Variants in CSMD2 observed in about 807,000 individuals in gnomAD.
CSMD2 encodes the protein CUB and Sushi multiple domains 2.
A neutral mutation model predicts 398.5 loss-of-function variants in CSMD2; 130 were observed. The observed-to-expected ratio is 0.33, with a 90% confidence interval of 0.28 to 0.38. CSMD2 has a LOEUF of 0.38. Among genes scored for constraint, CSMD2 ranks in the 10% least tolerant of loss-of-function variants. The pLI is 1.00. For missense variants in CSMD2, 3,829 were observed against 4,764.9 expected, an observed-to-expected ratio of 0.80 and a Z score of 5.78; for synonymous variants, 1,828 against 1,908.5, an observed-to-expected ratio of 0.96 and a Z score of 1.10.
At chr1:33,643,761 C>T (rs184865019) in intron 29 of CSMD2, among the ~76,000 whole-genome samples, 2 of 152,258 alleles carry the variant, frequency 1.3e-5, no homozygotes, top group Admixed American at 6.5e-5. Flanking sequence ...TCCAGGGATC[C>T]TGGCATAGGC....
rs955732307 is a variant in CSMD2 at position 33,631,156 on chromosome 1, C to A, written c.5200+2266G>T. Among the ~76,000 whole-genome samples, 92 of 151,774 alleles carry A rather than the reference C, an allele frequency of 6.1e-4. 1 individual carries two copies. Among genetic ancestry groups the A allele is most frequent in the Admixed American group, 6.0e-3 (92 of 15,266 alleles). On this transcript the variant is annotated intron_variant, in intron 32 of 70. Transcript: ENST00000373381. The stretch of plus-strand genomic sequence containing the variant: ...CAAAAACACAAAACACCTGGTACAG[C>A]CGAGTAAAAAGGGGATGATGAATGC...
At chr1:33,680,860 C>A (rs1190431985) in intron 25 of CSMD2, among the ~76,000 whole-genome samples, 1 of 148,036 alleles carries the variant, frequency 6.8e-6, no homozygotes, top group Non-Finnish European at 1.5e-5. Context: ...TCTGTTATAT[C>A]AGTTAGCCAT....
At chr1:34,073,477 C>T (rs1170436424) in intron 2 of CSMD2, among the ~76,000 whole-genome samples, 5 of 152,194 alleles carry the variant, frequency 3.3e-5, no homozygotes, top group Admixed American at 3.3e-4. Flanking sequence ...AAATTGGACA[C>T]ACACCAAACT....
At chr1:33,717,066 G>A (rs913327854) in intron 19 of CSMD2, among the ~76,000 whole-genome samples, 4 of 152,082 alleles carry the variant, frequency 2.6e-5, no homozygotes, top group African/African-American at 9.7e-5. Flanking sequence ...AGGATGCACA[G>A]GAATTAACCA....
chr1:33,629,094 A>C (rs1429997861), intron 32 of CSMD2, among the ~76,000 whole-genome samples: 1 of 152,074 alleles, frequency 6.6e-6, no homozygotes, highest in Non-Finnish European at 1.5e-5. Flanking sequence ...CCCAAAACTA[A>C]AGTAGGGAAT....
intron 3 of CSMD2, among the ~76,000 whole-genome samples, chr1:33,939,725 T>C (rs180730933): frequency 1.2e-4 from 19 of 152,288 alleles, no homozygotes; most frequent in South Asian, 2.1e-4. Context: ...GATGCTTCCA[T>C]TGGGACCTGG....
At chr1:33,875,657 C>G (rs1033030164) in intron 5 of CSMD2, 11 of 152,198 alleles carry the variant, frequency 7.2e-5, no homozygotes, top group African/African-American at 2.7e-4. Flanking sequence ...TTCAAGGAAG[C>G]AGAGCTTTGC....
At position 33,634,255 on chromosome 1, in the gene CSMD2, G is replaced by C. The variant is rs550801825; in HGVS notation, c.5087-720C>G. 1.0e-3 allele frequency among the ~76,000 whole-genome samples: 154 copies of C among 152,296 alleles called. 1 individual carries two copies. The highest frequency in any genetic ancestry group is 3.5e-3 in the African/African-American group (145 of 41,570). On this transcript the variant is annotated intron_variant, in intron 31 of 70. Transcript: ENST00000373381. ...TGAGACTGGGAATTTATAGAGGACA[G>C]AGAACATGTCTCTCTCATCTCTGCA...
At chr1:33,651,923 T>C (rs1243354537) in intron 28 of CSMD2, among the ~76,000 whole-genome samples, 5 of 151,876 alleles carry the variant, frequency 3.3e-5, no homozygotes, top group Admixed American at 1.3e-4. Flanking sequence ...AGGAGCTAGA[T>C]TGGGGGGGGT....
At chr1:33,943,773 T>C (rs919876317) in intron 3 of CSMD2, among the ~76,000 whole-genome samples, 5 of 152,116 alleles carry the variant, frequency 3.3e-5, no homozygotes, top group African/African-American at 1.2e-4. Context: ...CTGGACTCCT[T>C]GAGGGGCAGG....
At chr1:34,035,050 C>A (rs1016543130) in intron 2 of CSMD2, among the ~76,000 whole-genome samples, 1 of 152,086 alleles carries the variant, frequency 6.6e-6, no homozygotes, top group Non-Finnish European at 1.5e-5. Context: ...GAAAACAGAT[C>A]CTGCACTTAA....
intron 24 of CSMD2, among the ~76,000 whole-genome samples, chr1:33,694,069 A>C (rs979971048): frequency 1.3e-5 from 2 of 151,450 alleles, no homozygotes; most frequent in Non-Finnish European, 1.5e-5. Flanking sequence ...CAAAACAATA[A>C]CAACAACAAC....
intron 3 of CSMD2, among the ~76,000 whole-genome samples, chr1:33,996,381 C>T (rs1016700226): frequency 6.6e-6 from 1 of 152,238 alleles, no homozygotes; most frequent in Non-Finnish European, 1.5e-5. Flanking sequence ...ACGAAAACCT[C>T]TTTGCCTACC....
chr1:33,757,530 G>A (rs1234121027), intron 13 of CSMD2, among the ~76,000 whole-genome samples: 5 of 152,080 alleles, frequency 3.3e-5, no homozygotes, highest in Non-Finnish European at 7.4e-5. Context: ...TGCCCTAGGC[G>A]CTCTTCTCAC....
chr1:33,819,941 C>A, intron 8 of CSMD2, 104 bp from the exon 9 acceptor site: 1 of 1,465,914 alleles, frequency 6.8e-7, no homozygotes, highest in East Asian at 2.3e-5. Flanking sequence ...ATTTTTCCTT[C>A]TGGCCCTTAA....
intron 5 of CSMD2, among the ~76,000 whole-genome samples, chr1:33,882,474 C>T (rs866161502): frequency 2.6e-5 from 4 of 152,202 alleles, no homozygotes; most frequent in African/African-American, 9.6e-5. Context: ...AGAAATGAAA[C>T]ATATCTACCT....
chr1:33,941,879 A>T (rs981995760), intron 3 of CSMD2, among the ~76,000 whole-genome samples: 3 of 151,966 alleles, frequency 2.0e-5, no homozygotes, highest in Non-Finnish European at 2.9e-5. Context: ...TGTCATATAT[A>T]AAGTTAATAT....
At chr1:33,712,285 T>C (rs1392317903) in intron 21 of CSMD2, among the ~76,000 whole-genome samples, 1 of 152,004 alleles carries the variant, frequency 6.6e-6, no homozygotes, top group Non-Finnish European at 1.5e-5. Context: ...CTACATCAAA[T>C]TCAGGGGCCC....
chr1:33,944,354 A>G (rs1269547164), intron 3 of CSMD2, among the ~76,000 whole-genome samples: 2 of 152,126 alleles, frequency 1.3e-5, no homozygotes, highest in Non-Finnish European at 2.9e-5. Flanking sequence ...AGAGGTGACT[A>G]GCAGGTACTG....
Sources: allele counts gnomAD v4.1 joint callset (sites outside exome capture counted in the v4.1 genomes callset), GRCh38; gene constraint gnomAD v4.1.1; transcripts MANE v1.5; gene names NCBI Gene and HGNC (gene_info 2026-07-23, HGNC 2026-07-21).